The following NRG3 variants were observed in gnomAD, a reference collection of about 807,000 sequenced individuals.
NRG3 encodes the protein neuregulin 3, also known as pro-neuregulin-3, membrane-bound isoform.
Under a neutral mutation model 66.9 loss-of-function variants are expected in NRG3, and 31 were observed. That is an observed-to-expected ratio of 0.46 (90% CI 0.35 to 0.63). The LOEUF (loss-of-function observed/expected upper bound fraction) is 0.63. NRG3 is among the 20% of genes least tolerant of loss of function. The probability of loss-of-function intolerance (pLI) is 0.00; values close to 1 mark genes in which losing one functional copy is unlikely to be tolerated. For missense variants in NRG3, 910 were observed against 878.9 expected, an observed-to-expected ratio of 1.04 and a Z score of -0.45; for synonymous variants, 393 against 359.4, an observed-to-expected ratio of 1.09 and a Z score of -1.06.
At chr10:82,280,980 A>G (rs2079091910) in intron 1 of NRG3, among the ~76,000 whole-genome samples, 2 of 152,276 alleles carry the variant, frequency 1.3e-5, no homozygotes, top group South Asian at 2.1e-4. Flanking sequence ...GTGTTATCTC[A>G]TAATTGTAGC....
intron 1 of NRG3, among the ~76,000 whole-genome samples, chr10:82,024,024 C>G (rs2062180887): frequency 6.6e-6 from 1 of 152,034 alleles, no homozygotes; most frequent in African/African-American, 2.4e-5. Flanking sequence ...GCTTCACTCT[C>G]ATTACTTATT....
At chr10:82,767,473 T>C (rs2059558759) in intron 3 of NRG3, among the ~76,000 whole-genome samples, 1 of 152,168 alleles carries the variant, frequency 6.6e-6, no homozygotes, top group Non-Finnish European at 1.5e-5. Context: ...ACGGGTTCTT[T>C]TAATCTAGAG....
chr10:82,276,140 G>A (rs947998562), intron 1 of NRG3, among the ~76,000 whole-genome samples: 5 of 151,838 alleles, frequency 3.3e-5, no homozygotes, highest in African/African-American at 1.2e-4. Context: ...TACATATCAT[G>A]GCTAAATATT....
At chr10:82,880,250 C>G (rs1262777662) in intron 4 of NRG3, among the ~76,000 whole-genome samples, 1 of 152,042 alleles carries the variant, frequency 6.6e-6, no homozygotes, top group East Asian at 1.9e-4. Context: ...GAAAACTGCT[C>G]CTGTCTTCAT....
intron 2 of NRG3, among the ~76,000 whole-genome samples, chr10:82,494,928 T>C (rs541471030): frequency 6.6e-6 from 1 of 151,890 alleles, no homozygotes; most frequent in East Asian, 1.9e-4. Context: ...CTGATCCTAC[T>C]CTTTCTTTTT....
At chr10:82,715,601 A>AGAGATGCACAATGGCTCTCTCCAGT in intron 2 of NRG3, among the ~76,000 whole-genome samples, 1 of 152,326 alleles carries the variant, frequency 6.6e-6, no homozygotes, top group African/African-American at 2.4e-5. Context: ...ATGAGACATA[A>AGAGATGCACAATGGCTCTCTCCAGT]GGTAATATAT....
intron 2 of NRG3, among the ~76,000 whole-genome samples, chr10:82,540,391 T>A (rs2132743619): frequency 6.6e-6 from 1 of 152,266 alleles, no homozygotes; most frequent in African/African-American, 2.4e-5. Flanking sequence ...CTTCCTTCTT[T>A]CTTTGAGAAT....
chr10:82,959,477 G>A (rs1273026195), intron 6 of NRG3, among the ~76,000 whole-genome samples: 3 of 152,134 alleles, frequency 2.0e-5, no homozygotes, highest in South Asian at 4.1e-4. Context: ...AGTGAGTTCC[G>A]AGATAGTTGT....
chr10:82,744,940 G>C (rs1043528697), intron 3 of NRG3, among the ~76,000 whole-genome samples: 1 of 152,014 alleles, frequency 6.6e-6, no homozygotes, highest in African/African-American at 2.4e-5. Flanking sequence ...ACCTTGATTA[G>C]TACACAGTGT....
intron 3 of NRG3, among the ~76,000 whole-genome samples, chr10:82,764,465 C>T (rs937691794): frequency 3.3e-5 from 5 of 150,208 alleles, no homozygotes; most frequent in African/African-American, 9.9e-5. Context: ...TGTGTTCAAG[C>T]GATTCTCCTG....
intron 1 of NRG3, among the ~76,000 whole-genome samples, chr10:82,202,144 A>G (rs1274548356): frequency 2.0e-5 from 3 of 152,202 alleles, no homozygotes; most frequent in Non-Finnish European, 4.4e-5. Flanking sequence ...ATAGATTTAG[A>G]GATAAGACTC....
chr10:82,007,673 C>A (rs976605051), intron 1 of NRG3, among the ~76,000 whole-genome samples: 1 of 151,976 alleles, frequency 6.6e-6, no homozygotes, highest in Non-Finnish European at 1.5e-5. Context: ...ATTCTTAATT[C>A]TTTTAATCCT....
chr10:82,817,405 A>G (rs2061758078), intron 3 of NRG3, among the ~76,000 whole-genome samples: 1 of 152,234 alleles, frequency 6.6e-6, no homozygotes, highest in South Asian at 2.1e-4. Context: ...TTTAAGCCTG[A>G]ACAATGCAAA....
At chr10:82,683,174 G>A (rs1247068603) in intron 2 of NRG3, among the ~76,000 whole-genome samples, 3 of 151,844 alleles carry the variant, frequency 2.0e-5, no homozygotes, top group Non-Finnish European at 4.4e-5. Context: ...TAGCCAGGAT[G>A]GTCTCGATCT....
intron 1 of NRG3, among the ~76,000 whole-genome samples, chr10:81,946,654 A>G (rs1848866913): frequency 6.6e-6 from 1 of 151,992 alleles, no homozygotes; most frequent in Non-Finnish European, 1.5e-5. Context: ...TAAGAATAAC[A>G]TGTGCAGCTA....
intron 1 of NRG3, among the ~76,000 whole-genome samples, chr10:81,884,735 G>A (rs1307281312): frequency 6.6e-6 from 1 of 152,034 alleles, no homozygotes; most frequent in East Asian, 1.9e-4. Flanking sequence ...ATATCCTGGG[G>A]GAGAGGAATC....
At chr10:81,919,632 AT>A (rs1245779621) in intron 1 of NRG3, among the ~76,000 whole-genome samples, 2 of 152,132 alleles carry the variant, frequency 1.3e-5, no homozygotes, top group African/African-American at 4.8e-5. Flanking sequence ...TATCAATTTC[AT>A]TGCCAACATG....
At chr10:82,768,063 A>G (rs931030804) in intron 3 of NRG3, among the ~76,000 whole-genome samples, 6 of 152,030 alleles carry the variant, frequency 3.9e-5, no homozygotes, top group African/African-American at 1.2e-4. Context: ...CTGGAGTCAC[A>G]CTCTCTCAAC....
chr10:82,930,385 T>A (rs2132152534), intron 4 of NRG3, among the ~76,000 whole-genome samples: 1 of 152,292 alleles, frequency 6.6e-6, no homozygotes, highest in Middle Eastern at 3.4e-3. Flanking sequence ...GGACTATCTG[T>A]CTTCAGAGAC....
Sources: gnomAD v4.1 joint callset for allele counts (sites outside exome capture counted in the v4.1 genomes callset) on GRCh38, gnomAD v4.1.1 for gene constraint, MANE v1.5 for transcripts, NCBI Gene and HGNC (gene_info 2026-07-23, HGNC 2026-07-21) for gene names.